C9orf153: variants seen among roughly 807,000 people sequenced by gnomAD.
C9orf153 encodes chromosome 9 open reading frame 153, also known as uncharacterized protein C9orf153.
A neutral mutation model predicts 9.0 loss-of-function variants in C9orf153; 10 were observed. The observed-to-expected ratio is 1.11, with a 90% CI of 0.69 to 1.89. The LOEUF is 1.89. Ranked by LOEUF, C9orf153 falls within the 40% of genes most tolerant of loss-of-function variation. The pLI, the probability that C9orf153 is intolerant of heterozygous loss-of-function variation, is 0.00. For synonymous variants in C9orf153, 35 were observed against 37.3 expected, an observed-to-expected ratio of 0.94 and a Z score of 0.23; for missense variants, 108 against 111.0, an observed-to-expected ratio of 0.97 and a Z score of 0.12.
intron 1 of C9orf153, among the ~76,000 whole-genome samples, chr9:86,240,968 A>T (rs1194342432): frequency 1.3e-5 from 2 of 152,038 alleles, no homozygotes; most frequent in African/African-American, 4.8e-5. Flanking sequence ...CCGCCTCCCG[A>T]AGTGCTGGGA....
intron 3 of C9orf153, chr9:86,227,526 C>G (rs1824363620): frequency 1.0e-5 from 14 of 1,363,662 alleles, no homozygotes; most frequent in Non-Finnish European, 1.3e-5. Flanking sequence ...CCCACATGGC[C>G]TCATCTGTTT....
intron 1 of C9orf153, among the ~76,000 whole-genome samples, chr9:86,243,183 T>C (rs981499873): frequency 1.3e-5 from 2 of 152,228 alleles, no homozygotes; most frequent in Non-Finnish European, 2.9e-5. Context: ...CGAGTTACTA[T>C]TGTACTCAGT....
chr9:86,233,375 C>T (rs1461856764), intron 1 of C9orf153, among the ~76,000 whole-genome samples: 1 of 152,098 alleles, frequency 6.6e-6, no homozygotes, highest in East Asian at 1.9e-4. Flanking sequence ...ACAATAGTGA[C>T]TTCTTAATTA....
rs1006254325 is a variant in C9orf153, at chr9:86,229,779, C to T, written c.-26-150G>A. On this transcript the variant is annotated intron_variant, in intron 1 of 3. Coordinates refer to ENST00000339137, the MANE Select transcript of C9orf153 (RefSeq NM_001276366.4). ...CCTGTATTAGTCCATTCTTGAATTG[C>T]TCTAAAGAAATATCTGAAACTGGGT... 2.1e-5 allele frequency: 12 copies of T among 565,512 alleles called. No individual in the cohort carries two copies. The South Asian group carries it at 2.5e-4, about 12-fold the overall frequency. The allele number at this position is 565,512 out of a possible 1,614,324, so 35.0% of individuals were successfully genotyped here.
chr9:86,236,407 A>C (rs1373609603), intron 1 of C9orf153, among the ~76,000 whole-genome samples: 3 of 151,984 alleles, frequency 2.0e-5, no homozygotes, highest in African/African-American at 4.8e-5. Context: ...AAAGTTAGCC[A>C]GCTTAGTGGC....
At chr9:86,236,548 CAAAAAAAAAAAAA>C (rs976982879) in intron 1 of C9orf153, among the ~76,000 whole-genome samples, 292 of 65,342 alleles carry the variant, frequency 4.5e-3, no homozygotes, top group Non-Finnish European at 6.7e-3. Context: ...GACTCCATCT[CAAAAAAAAAAAAA>C]AAAAAAGAAA....
intron 1 of C9orf153, among the ~76,000 whole-genome samples, chr9:86,253,868 G>A (rs1425071408): frequency 2.0e-5 from 3 of 152,096 alleles, no homozygotes; most frequent in African/African-American, 7.2e-5. Flanking sequence ...AAGGAGGGCA[G>A]ATCATGAGGT....
intron 3 of C9orf153, among the ~76,000 whole-genome samples, chr9:86,226,836 C>T (rs1019603360): frequency 1.3e-5 from 2 of 152,112 alleles, no homozygotes; most frequent in African/African-American, 2.4e-5. Flanking sequence ...GCGATCTCTG[C>T]TCACTGCAAT....
chr9:86,245,517 G>A (rs1483027406), intron 1 of C9orf153, among the ~76,000 whole-genome samples: 1 of 152,092 alleles, frequency 6.6e-6, no homozygotes, highest in East Asian at 1.9e-4. Context: ...TGGTTTCTTG[G>A]GGACTGTCTT....
chr9:86,236,604 A>G (rs1362687902), intron 1 of C9orf153, among the ~76,000 whole-genome samples: 1 of 151,876 alleles, frequency 6.6e-6, no homozygotes, highest in Non-Finnish European at 1.5e-5. Context: ...AGGAAAACAA[A>G]CATTTAAGGA....
rs1824183348 is a variant in C9orf153, at chr9:86,220,838, A to AT, written c.*849dup. 6.6e-6 allele frequency: 1 copy of AT among 151,802 alleles called. No homozygotes were observed. Among genetic ancestry groups the AT allele is most frequent in the Non-Finnish European group, 1.5e-5 (1 of 67,998 alleles). 9.4% of individuals were successfully genotyped at this position (151,802 alleles called of 1,614,324 possible). ...CATCGTATACATTTCTGAACTTCTCATTCTACCGTCCAATACTCTTATTTT... is the reference window on the plus strand; with the variant it reads ...CATCGTATACATTTCTGAACTTCTCATTTCTACCGTCCAATACTCTTATTTT... On this transcript the variant is annotated 3_prime_UTR_variant, in exon 4 of 4. Transcript: ENST00000339137.
At chr9:86,252,930 C>T (rs1471798367) in intron 1 of C9orf153, among the ~76,000 whole-genome samples, 1 of 151,998 alleles carries the variant, frequency 6.6e-6, no homozygotes, top group Non-Finnish European at 1.5e-5. Flanking sequence ...AAATGCTTTT[C>T]TATGACTTTT....
chr9:86,236,526 G>A (rs1007333940), intron 1 of C9orf153, among the ~76,000 whole-genome samples: 1 of 146,388 alleles, frequency 6.8e-6, no homozygotes, highest in Non-Finnish European at 1.5e-5. Flanking sequence ...TCCAGCCTGG[G>A]TGACAGGGCG....
intron 1 of C9orf153, among the ~76,000 whole-genome samples, chr9:86,231,218 G>C (rs1207419491): frequency 6.6e-6 from 1 of 152,074 alleles, no homozygotes; most frequent in Admixed American, 6.6e-5. Flanking sequence ...AGCTGAGCAA[G>C]GCAACTCTAA....
intron 1 of C9orf153, among the ~76,000 whole-genome samples, chr9:86,258,147 T>A (rs1185407492): frequency 2.0e-5 from 3 of 151,914 alleles, no homozygotes; most frequent in African/African-American, 7.3e-5. Flanking sequence ...ATCAAGACCA[T>A]CCTGGCTAAC....
At chr9:86,224,980 C>T (rs959208082) in intron 3 of C9orf153, among the ~76,000 whole-genome samples, 1 of 148,328 alleles carries the variant, frequency 6.7e-6, no homozygotes, top group South Asian at 2.1e-4. Context: ...CGGCCCTTGT[C>T]TGCGTACCCC....
At position 86,229,638 on chromosome 9, in the gene C9orf153, A is replaced by G; in HGVS notation, c.-26-9T>C. 1 of 1,501,022 alleles carries G rather than the reference A, an allele frequency of 6.7e-7. No individual in the cohort carries two copies. Among genetic ancestry groups the G allele is most frequent in the Non-Finnish European group, 9.2e-7 (1 of 1,082,072 alleles). The allele number at this position is 1,501,022 out of a possible 1,614,324, so 93.0% of individuals were successfully genotyped here. On this transcript the variant is annotated splice_polypyrimidine_tract_variant and intron_variant, in intron 1 of 3. Coordinates refer to ENST00000339137, the MANE Select transcript of C9orf153 (RefSeq NM_001276366.4). The stretch of plus-strand genomic sequence containing the variant: ...ATTTTATTCTCTAATTCCTAAAAAA[A>G]GCAATATGAGAAAAGACAAAAATCA...
chr9:86,234,802 C>CAA (rs1420255121), intron 1 of C9orf153, among the ~76,000 whole-genome samples: 1 of 152,154 alleles, frequency 6.6e-6, no homozygotes, highest in African/African-American at 2.4e-5. Context: ...ACAAATCATA[C>CAA]ATCTGACAAG....
intron 3 of C9orf153, among the ~76,000 whole-genome samples, chr9:86,224,602 A>C (rs1824277284): frequency 6.6e-6 from 1 of 152,044 alleles, no homozygotes; most frequent in Non-Finnish European, 1.5e-5. Context: ...ATCACTATAT[A>C]ACACTATTGA....
Sources: gnomAD v4.1 joint callset for allele counts (sites outside exome capture counted in the v4.1 genomes callset) on GRCh38, gnomAD v4.1.1 for gene constraint, MANE v1.5 for transcripts, NCBI Gene and HGNC (gene_info 2026-07-23, HGNC 2026-07-21) for gene names.